MAGI2: variants seen among roughly 807,000 people sequenced by gnomAD.
The protein encoded by MAGI2 is membrane associated guanylate kinase, WW and PDZ domain containing 2.
A neutral mutation model predicts 133.3 loss-of-function variants in MAGI2; 35 were observed. The observed-to-expected ratio is 0.26, with a 90% confidence interval of 0.20 to 0.35. MAGI2 has a LOEUF of 0.35. Ranked by LOEUF, MAGI2 falls within the 10% of genes least tolerant of loss-of-function variation. MAGI2 has a pLI of 1.00. For synonymous variants in MAGI2, 729 were observed against 710.6 expected (o/e 1.03, Z -0.41); for missense variants, 1,636 against 1,863.4 (o/e 0.88, Z 2.25).
intron 9 of MAGI2, among the ~76,000 whole-genome samples, chr7:78,291,418 T>C (rs1489010856): frequency 6.6e-6 from 1 of 152,074 alleles, no homozygotes; most frequent in Non-Finnish European, 1.5e-5. Flanking sequence ...AATACCAAGT[T>C]CTGAAATTGA....
intron 2 of MAGI2, among the ~76,000 whole-genome samples, chr7:78,816,009 A>G (rs1789545993): frequency 6.6e-6 from 1 of 152,216 alleles, no homozygotes; most frequent in Non-Finnish European, 1.5e-5. Flanking sequence ...CTTGCACCAC[A>G]TAGTTAGCCA....
intron 3 of MAGI2, among the ~76,000 whole-genome samples, chr7:78,523,238 G>T (rs1309571927): frequency 2.0e-5 from 3 of 152,170 alleles, no homozygotes; most frequent in Admixed American, 2.0e-4. Context: ...AGCAGTAATT[G>T]TTCTAATCAC....
intron 3 of MAGI2, among the ~76,000 whole-genome samples, chr7:78,522,703 G>C (rs776712788): frequency 1.3e-5 from 2 of 152,166 alleles, no homozygotes; most frequent in African/African-American, 2.4e-5. Flanking sequence ...TATGTTCAAG[G>C]TAAAACACTT....
At chr7:78,389,081 A>G (rs998556547) in intron 6 of MAGI2, among the ~76,000 whole-genome samples, 5 of 152,238 alleles carry the variant, frequency 3.3e-5, no homozygotes, top group African/African-American at 1.2e-4. Context: ...TAGACAAAGG[A>G]TATTTTCCAG....
intron 2 of MAGI2, among the ~76,000 whole-genome samples, chr7:78,912,216 A>G (rs944367950): frequency 3.3e-5 from 5 of 152,146 alleles, no homozygotes; most frequent in African/African-American, 9.7e-5. Flanking sequence ...GACCCTATAC[A>G]GTTCATAAGA....
At chr7:78,329,808 C>T (rs2151146538) in intron 9 of MAGI2, among the ~76,000 whole-genome samples, 1 of 152,306 alleles carries the variant, frequency 6.6e-6, no homozygotes, top group South Asian at 2.1e-4. Context: ...ACTTACATGG[C>T]ACCTAGCCCA....
intron 2 of MAGI2, among the ~76,000 whole-genome samples, chr7:78,741,427 AC>A (rs879433578): frequency 0.012 from 1,358 of 117,184 alleles, 9 homozygotes; most frequent in Non-Finnish European, 0.015. Flanking sequence ...ACACACACAC[AC>A]GGGAGGGGGG....
chr7:78,482,276 T>C (rs983455749), intron 6 of MAGI2, among the ~76,000 whole-genome samples: 2 of 151,930 alleles, frequency 1.3e-5, no homozygotes, highest in Admixed American at 6.6e-5. Flanking sequence ...TGCAGAGGAA[T>C]TGGATCACTT....
At chr7:78,583,798 C>T (rs1481282398) in intron 3 of MAGI2, among the ~76,000 whole-genome samples, 1 of 152,082 alleles carries the variant, frequency 6.6e-6, no homozygotes, top group African/African-American at 2.4e-5. Flanking sequence ...CTGAAGAGAA[C>T]AATCATGTAT....
chr7:78,605,213 G>A, intron 3 of MAGI2, among the ~76,000 whole-genome samples: 1 of 152,168 alleles, frequency 6.6e-6, no homozygotes, highest in South Asian at 2.1e-4. Flanking sequence ...TGATGGCAAT[G>A]GTAGAACTAA....
At chr7:78,524,827 G>T (rs573490533) in intron 3 of MAGI2, among the ~76,000 whole-genome samples, 13 of 152,192 alleles carry the variant, frequency 8.5e-5, no homozygotes, top group African/African-American at 2.9e-4. Flanking sequence ...TATCTAATAA[G>T]CATAATGTAA....
At chr7:79,325,439 A>G (rs1374172245) in intron 1 of MAGI2, among the ~76,000 whole-genome samples, 1 of 152,178 alleles carries the variant, frequency 6.6e-6, no homozygotes, top group Admixed American at 6.6e-5. Flanking sequence ...GTATTTCTAG[A>G]TATACTCTAG....
chr7:79,270,266 T>C (rs531128760), intron 1 of MAGI2, among the ~76,000 whole-genome samples: 6 of 152,160 alleles, frequency 3.9e-5, no homozygotes, highest in Admixed American at 1.3e-4. Flanking sequence ...GAGTAATAAC[T>C]CTGTCTTTTC....
intron 1 of MAGI2, among the ~76,000 whole-genome samples, chr7:79,392,341 T>G (rs1431519659): frequency 6.6e-6 from 1 of 152,170 alleles, no homozygotes; most frequent in Non-Finnish European, 1.5e-5. Context: ...GTCTTTATAG[T>G]AGAACGATTT....
intron 2 of MAGI2, among the ~76,000 whole-genome samples, chr7:78,883,625 A>G (rs963066718): frequency 7.2e-5 from 11 of 152,144 alleles, no homozygotes; most frequent in African/African-American, 1.7e-4. Flanking sequence ...AAACTATACT[A>G]CAAGGCTACA....
intron 10 of MAGI2, among the ~76,000 whole-genome samples, chr7:78,202,682 C>CAAAAAAAA (rs59358280): frequency 1.4e-5 from 1 of 70,534 alleles, no homozygotes. Context: ...GACTCTGTCT[C>CAAAAAAAA]AAAAAAAAAA....
chr7:78,068,741 C>T (rs1393216779), intron 21 of MAGI2, among the ~76,000 whole-genome samples: 1 of 152,126 alleles, frequency 6.6e-6, no homozygotes, highest in East Asian at 1.9e-4. Context: ...TAGGCATGGG[C>T]CTGGCTGAAG....
intron 2 of MAGI2, among the ~76,000 whole-genome samples, chr7:78,706,367 C>G (rs191265556): frequency 1.3e-5 from 2 of 150,188 alleles, no homozygotes; most frequent in South Asian, 2.1e-4. Flanking sequence ...CCTTTCACCC[C>G]CCGCCATGAT....
At chr7:79,170,701 T>A (rs1387938295) in intron 1 of MAGI2, among the ~76,000 whole-genome samples, 1 of 152,100 alleles carries the variant, frequency 6.6e-6, no homozygotes, top group Admixed American at 6.6e-5. Flanking sequence ...AGAATAATCA[T>A]GAATGTAAAA....
Sources: gnomAD v4.1 joint callset for allele counts (sites outside exome capture counted in the v4.1 genomes callset) on GRCh38, gnomAD v4.1.1 for gene constraint, MANE v1.5 for transcripts, NCBI Gene and HGNC (gene_info 2026-07-23, HGNC 2026-07-21) for gene names.